The following PABPC4L variants were observed in gnomAD, a reference collection of about 807,000 sequenced individuals.
PABPC4L encodes poly(A) binding protein cytoplasmic 4 like, also known as polyadenylate-binding protein 4-like.
For synonymous variants in PABPC4L, 169 were observed against 164.1 expected (o/e 1.03, Z -0.23); for missense variants, 452 against 451.4 (o/e 1.00, Z -0.01).
chr4:134,192,574 A>T (rs1729539421), downstream of PABPC4L, among the ~76,000 whole-genome samples: 1 of 152,158 alleles, frequency 6.6e-6, no homozygotes. Flanking sequence ...GATAATTTTT[A>T]TAGTGGCATT....
the PABPC4L span, among the ~76,000 whole-genome samples, chr4:134,033,013 A>G: frequency 5.2e-5 from 7 of 135,674 alleles, no homozygotes; most frequent in South Asian, 1.4e-3. Context: ...TGCATGACAC[A>G]AGTATCCTTT....
chr4:134,015,914 C>T, the PABPC4L span, among the ~76,000 whole-genome samples: 1 of 152,148 alleles, frequency 6.6e-6, no homozygotes, highest in Non-Finnish European at 1.5e-5. Flanking sequence ...CTATTTTCTT[C>T]CTCACACCTG....
chr4:134,046,115 C>T, the PABPC4L span, among the ~76,000 whole-genome samples: 22 of 152,038 alleles, frequency 1.4e-4, no homozygotes, highest in Admixed American at 2.6e-4. Flanking sequence ...CGGCACTCAG[C>T]ATAGGGAGGA....
chr4:134,034,019 A>G, the PABPC4L span, among the ~76,000 whole-genome samples: 1 of 151,954 alleles, frequency 6.6e-6, no homozygotes, highest in African/African-American at 2.4e-5. Flanking sequence ...GGAGAGGAGA[A>G]GTCAATTACT....
the PABPC4L span, among the ~76,000 whole-genome samples, chr4:134,049,597 T>A: frequency 6.6e-6 from 1 of 152,138 alleles, no homozygotes. Flanking sequence ...TAACAGGCAA[T>A]TCATCATGTA....
At chr4:134,104,634 G>T in the PABPC4L span, among the ~76,000 whole-genome samples, 1 of 151,638 alleles carries the variant, frequency 6.6e-6, no homozygotes, top group African/African-American at 2.4e-5. Flanking sequence ...CCAAAATATG[G>T]TGCCTCTTCC....
chr4:134,028,111 T>C, the PABPC4L span, among the ~76,000 whole-genome samples: 1 of 152,094 alleles, frequency 6.6e-6, no homozygotes, highest in Middle Eastern at 3.2e-3. Flanking sequence ...GAAATGCAAA[T>C]TCTTGGACTC....
At chr4:134,032,287 T>A in the PABPC4L span, among the ~76,000 whole-genome samples, 1 of 151,894 alleles carries the variant, frequency 6.6e-6, no homozygotes, top group Admixed American at 6.6e-5. Context: ...TAGGTTTAAT[T>A]TAGTTATAGT....
the PABPC4L span, among the ~76,000 whole-genome samples, chr4:134,110,718 C>T: frequency 1.3e-5 from 2 of 151,728 alleles, no homozygotes; most frequent in Non-Finnish European, 2.9e-5. Context: ...AACCTATGCT[C>T]AACCTCCTGT....
the PABPC4L span, among the ~76,000 whole-genome samples, chr4:134,012,552 C>G: frequency 6.6e-6 from 1 of 152,166 alleles, no homozygotes; most frequent in Non-Finnish European, 1.5e-5. Context: ...CCGCCTGCAC[C>G]CAGGTGATTA....
the PABPC4L span, among the ~76,000 whole-genome samples, chr4:134,107,542 A>C: frequency 2.0e-5 from 3 of 151,604 alleles, no homozygotes; most frequent in Non-Finnish European, 4.4e-5. Flanking sequence ...ACAGGATGCA[A>C]GCTTAAGATC....
the PABPC4L span, among the ~76,000 whole-genome samples, chr4:133,969,818 G>A: frequency 9.3e-3 from 1,419 of 151,978 alleles, 13 homozygotes; most frequent in Non-Finnish European, 0.013. Context: ...AAACAAAAAC[G>A]CTTATCTTGA....
At chr4:133,983,773 T>C in the PABPC4L span, among the ~76,000 whole-genome samples, 1 of 151,952 alleles carries the variant, frequency 6.6e-6, no homozygotes. Flanking sequence ...TGGAACATTG[T>C]CTCACTCAGA....
At chr4:134,067,038 T>C in the PABPC4L span, among the ~76,000 whole-genome samples, 1 of 152,144 alleles carries the variant, frequency 6.6e-6, no homozygotes, top group Non-Finnish European at 1.5e-5. Context: ...ATCAGGACAA[T>C]GCTGGCCTCA....
chr4:134,049,242 T>G, the PABPC4L span, among the ~76,000 whole-genome samples: 1 of 152,074 alleles, frequency 6.6e-6, no homozygotes, highest in Non-Finnish European at 1.5e-5. Context: ...TTTTGAAGAA[T>G]TTGAAAGAGA....
rs2125709233 is a variant in PABPC4L at position 134,199,563 on chromosome 4, T to A, written c.*344A>T. 5.9e-6 allele frequency: 1 copy of A among 168,282 alleles called. No homozygotes were observed. The highest frequency in any genetic ancestry group is 1.7e-4 in the East Asian group (1 of 5,958). The allele number at this position is 168,282 out of a possible 1,614,324, so 10.4% of individuals were successfully genotyped here. On this transcript the variant is annotated 3_prime_UTR_variant, in exon 2 of 2. Coordinates refer to ENST00000421491, the MANE Select transcript of PABPC4L (RefSeq NM_001114734.2). Reference sequence around the variant, plus strand: ...TAGAAGAAATTAAAGCTAGCAATATTACTAAAATAATAAATATGCAATAAA... The same window carrying A: ...TAGAAGAAATTAAAGCTAGCAATATAACTAAAATAATAAATATGCAATAAA...
the PABPC4L span, among the ~76,000 whole-genome samples, chr4:134,163,552 G>A: frequency 6.6e-6 from 1 of 152,002 alleles, no homozygotes; most frequent in East Asian, 1.9e-4. Context: ...CATAAAAAAA[G>A]AAAACTACAG....
At chr4:133,950,065 TC>T in the PABPC4L span, among the ~76,000 whole-genome samples, 1 of 152,152 alleles carries the variant, frequency 6.6e-6, no homozygotes, top group Non-Finnish European at 1.5e-5. Flanking sequence ...TCTCTAGCTT[TC>T]CAGAGGAAGG....
At chr4:133,953,957 C>A in the PABPC4L span, among the ~76,000 whole-genome samples, 6 of 152,232 alleles carry the variant, frequency 3.9e-5, no homozygotes, top group Non-Finnish European at 7.3e-5. Flanking sequence ...AGATTTCTAA[C>A]CTCAGTACTT....
Sources: allele counts gnomAD v4.1 joint callset (sites outside exome capture counted in the v4.1 genomes callset), GRCh38; gene constraint gnomAD v4.1.1; transcripts MANE v1.5; gene names NCBI Gene and HGNC (gene_info 2026-07-23, HGNC 2026-07-21).